The following FRMD3 variants were observed in gnomAD, a reference collection of about 807,000 sequenced individuals.
The protein encoded by FRMD3 is FERM domain containing 3.
FRMD3 carries 33 observed loss-of-function variants against 70.2 expected under a neutral mutation model. The ratio of observed to expected loss-of-function variants is 0.47; its 90% CI spans 0.36 to 0.63. The LOEUF is 0.63. Among genes scored for constraint, FRMD3 ranks in the 20% least tolerant of loss-of-function variants. The pLI, the probability that FRMD3 is intolerant of heterozygous loss-of-function variation, is 0.00. For missense variants in FRMD3, 632 were observed against 711.4 expected (o/e 0.89, Z 1.27); for synonymous variants, 279 against 255.9 (o/e 1.09, Z -0.86).
At chr9:83,282,940 T>A (rs566957099) in intron 13 of FRMD3, among the ~76,000 whole-genome samples, 1 of 152,142 alleles carries the variant, frequency 6.6e-6, no homozygotes. Flanking sequence ...TGAGCTTCCT[T>A]ACAACACAGT....
chr9:83,257,945 C>A (rs1832796164), intron 13 of FRMD3, among the ~76,000 whole-genome samples: 1 of 152,158 alleles, frequency 6.6e-6, no homozygotes. Flanking sequence ...CTAATATTAC[C>A]TTTTAGTGTA....
chr9:83,489,858 G>A (rs1014968617), intron 1 of FRMD3, among the ~76,000 whole-genome samples: 1 of 152,132 alleles, frequency 6.6e-6, no homozygotes, highest in Non-Finnish European at 1.5e-5. Flanking sequence ...CAACCAGTAC[G>A]ATAAACACAG....
At chr9:83,479,682 AAG>A (rs1261293415) in intron 1 of FRMD3, among the ~76,000 whole-genome samples, 2 of 68,238 alleles carry the variant, frequency 2.9e-5, no homozygotes, top group Non-Finnish European at 5.4e-5. Flanking sequence ...GAAAGAAAGA[AAG>A]AAAGAAAGAA....
At chr9:83,244,612 T>G, downstream of FRMD3, 1 of 961,298 alleles carries the variant, frequency 1.0e-6, no homozygotes, top group Non-Finnish European at 1.2e-6. Flanking sequence ...AACTGAATGA[T>G]TGCAAAAAAT....
Position 83,486,519 on chromosome 9 carries a change from A to G in FRMD3, c.147+51566T>C, listed in dbSNP as rs184778519. Among the ~76,000 whole-genome samples, 19 of 152,356 alleles carry G rather than the reference A, an allele frequency of 1.2e-4. 1 individual carries two copies. Among genetic ancestry groups the G allele is most frequent in the Admixed American group, 1.1e-3 (17 of 15,310 alleles). Reference sequence around the variant, plus strand: ...GGTCACCATAAACAAAAATGAACTTAAGATAGATCAAAGATTTCAATGTAA... The same window carrying G: ...GGTCACCATAAACAAAAATGAACTTGAGATAGATCAAAGATTTCAATGTAA... On this transcript the variant is annotated intron_variant, in intron 1 of 13. Transcript: ENST00000304195.
At chr9:83,407,505 C>T (rs1397419851) in intron 1 of FRMD3, among the ~76,000 whole-genome samples, 1 of 152,172 alleles carries the variant, frequency 6.6e-6, no homozygotes, top group African/African-American at 2.4e-5. Context: ...CTCCACAATC[C>T]CTACCCTCCT....
chr9:83,288,561 C>T (rs1198779919), intron 13 of FRMD3, among the ~76,000 whole-genome samples: 2 of 152,126 alleles, frequency 1.3e-5, no homozygotes, highest in Non-Finnish European at 2.9e-5. Flanking sequence ...TATTAGATAT[C>T]GATAGAGCTA....
chr9:83,466,806 A>G (rs1828139547), intron 1 of FRMD3, among the ~76,000 whole-genome samples: 1 of 152,202 alleles, frequency 6.6e-6, no homozygotes, highest in African/African-American at 2.4e-5. Context: ...TGTATAGGTC[A>G]TGTGTGGGAG....
At chr9:83,556,318 C>G in the FRMD3 span, among the ~76,000 whole-genome samples, 9 of 152,208 alleles carry the variant, frequency 5.9e-5, no homozygotes, top group African/African-American at 2.2e-4. Flanking sequence ...TGTTTTGGGT[C>G]ATATAACTCC....
intron 1 of FRMD3, among the ~76,000 whole-genome samples, chr9:83,414,260 GA>G (rs1826366236): frequency 6.6e-6 from 1 of 152,128 alleles, no homozygotes; most frequent in Admixed American, 6.6e-5. Context: ...GGAAATCACT[GA>G]ATTGTATTCT....
chr9:83,475,586 TC>T (rs1828376944), intron 1 of FRMD3, among the ~76,000 whole-genome samples: 1 of 152,198 alleles, frequency 6.6e-6, no homozygotes, highest in Non-Finnish European at 1.5e-5. Context: ...CTTCATTTCA[TC>T]AGATACAGTT....
intron 1 of FRMD3, among the ~76,000 whole-genome samples, chr9:83,523,945 T>G (rs908566475): frequency 1.3e-5 from 2 of 152,194 alleles, no homozygotes; most frequent in African/African-American, 4.8e-5. Flanking sequence ...GGTGAAGATA[T>G]CCTTGATAAG....
chr9:83,569,757 G>A, the FRMD3 span, among the ~76,000 whole-genome samples: 2 of 151,996 alleles, frequency 1.3e-5, no homozygotes, highest in Non-Finnish European at 2.9e-5. Context: ...TTTTAATATG[G>A]GTATTATTTT....
Position 83,310,515 on chromosome 9 carries a change from C to T in FRMD3, c.807G>A (p.Lys269=), listed in dbSNP as rs907831029. Residue 269 remains lysine (K), a synonymous_variant, in exon 9 of 14, where the codon AAG becomes AAA. Coordinates refer to ENST00000304195, the MANE Select transcript of FRMD3 (RefSeq NM_174938.6). The part of the protein sequence containing the change: ...PDVCKLKFEG[K]TFYVIGTQKE... ...TCTGGGTGCCAATCACATAAAATGT[C>T]TTCCCTTCAAACTTCAATTTGCAGA... 4 of 1,603,836 alleles carry T rather than the reference C, an allele frequency of 2.5e-6. No individual in the cohort carries two copies. The highest frequency in any genetic ancestry group is 3.4e-6 in the Non-Finnish European group (4 of 1,177,466).
intron 1 of FRMD3, among the ~76,000 whole-genome samples, chr9:83,476,199 C>T (rs892645487): frequency 2.6e-5 from 4 of 152,132 alleles, no homozygotes; most frequent in African/African-American, 9.7e-5. Flanking sequence ...GCCTGGCCAA[C>T]ATGGCAAAAC....
chr9:83,485,209 A>G lies in FRMD3; in HGVS notation c.147+52876T>C, dbSNP rs574295251. 5.9e-5 allele frequency among the ~76,000 whole-genome samples: 9 copies of G among 152,336 alleles called. No individual in the cohort carries two copies. In the East Asian group the frequency reaches 1.7e-3, roughly 29 times the overall value. On this transcript the variant is annotated intron_variant, in intron 1 of 13. Coordinates refer to ENST00000304195, the MANE Select transcript of FRMD3 (RefSeq NM_174938.6). Reference sequence around the variant, plus strand: ...ATTTCATTGGCTCCCTGGTATGTAGAATTCCGTGTACTTATAGTTAATAAT... The same window carrying G: ...ATTTCATTGGCTCCCTGGTATGTAGGATTCCGTGTACTTATAGTTAATAAT...
chr9:83,316,003 T>C (rs532261194), intron 6 of FRMD3, among the ~76,000 whole-genome samples: 48 of 152,272 alleles, frequency 3.2e-4, no homozygotes, highest in African/African-American at 1.1e-3. Context: ...ATCCCTTCTG[T>C]TTCCTATCTT....
At chr9:83,324,541 C>G (rs984173759) in intron 6 of FRMD3, among the ~76,000 whole-genome samples, 1 of 152,098 alleles carries the variant, frequency 6.6e-6, no homozygotes, top group African/African-American at 2.4e-5. Context: ...ACAATTTCTG[C>G]CTTTTTAATA....
chr9:83,442,294 G>A (rs1009654609), intron 1 of FRMD3, among the ~76,000 whole-genome samples: 4 of 129,058 alleles, frequency 3.1e-5, no homozygotes, highest in African/African-American at 5.7e-5. Flanking sequence ...GTCTTGTTCT[G>A]TTGCCCAGGC....
Sources: gnomAD v4.1 joint callset for allele counts (sites outside exome capture counted in the v4.1 genomes callset) on GRCh38, gnomAD v4.1.1 for gene constraint, MANE v1.5 for transcripts, NCBI Gene and HGNC (gene_info 2026-07-23, HGNC 2026-07-21) for gene names.